CSPG4: variants seen among roughly 807,000 people sequenced by gnomAD.
CSPG4 encodes the protein chondroitin sulfate proteoglycan 4.
In CSPG4, 74 loss-of-function variants were observed where a neutral mutation model predicts 139.3. The ratio of observed to expected loss-of-function variants is 0.53; its 90% CI spans 0.44 to 0.64. The LOEUF is 0.64. Ranked by LOEUF, CSPG4 falls within the 30% of genes least tolerant of loss-of-function variation. The pLI is 0.00. For synonymous variants in CSPG4, 1,234 were observed against 1,394.2 expected (o/e 0.89, Z 2.56); for missense variants, 2,565 against 3,148.3 (o/e 0.81, Z 4.43).
intron 1 of CSPG4, among the ~76,000 whole-genome samples, chr15:75,710,098 C>T (rs970553520): frequency 6.6e-6 from 1 of 152,080 alleles, no homozygotes; most frequent in African/African-American, 2.4e-5. Context: ...TGTGGCCCTG[C>T]TCACTAAGAT....
intron 1 of CSPG4, among the ~76,000 whole-genome samples, chr15:75,707,649 G>A (rs80218846): frequency 4.9e-3 from 679 of 137,260 alleles, no homozygotes; most frequent in Non-Finnish European, 7.4e-3. Context: ...TCTTCCAAGG[G>A]CCCTTAGTAC....
rs1474538788 is a variant in CSPG4 at position 75,712,723 on chromosome 15, G to A, written c.33C>T (p.Ala11=). The change falls in exon 1 of 10, where the codon GCC becomes GCT. Residue 11 remains alanine (A), a synonymous_variant. Transcript: ENST00000308508. The stretch of plus-strand genomic sequence containing the variant: ...GGGTCAAAGCCAAGGCCAGGCCGGG[G>A]GCTGGAAGTGGGGGCCGCGGCCCGG... The part of the protein sequence containing the change: MQSGPRPPLP[A]PGLALALTLT... 1.3e-6 allele frequency: 2 copies of A among 1,561,218 alleles called. No individual in the cohort carries two copies. Among genetic ancestry groups the A allele is most frequent in the Middle Eastern group, 2.2e-4 (1 of 4,538 alleles).
chr15:75,681,582 G>A (rs979277978), intron 8 of CSPG4, among the ~76,000 whole-genome samples: 1 of 152,254 alleles, frequency 6.6e-6, no homozygotes, highest in African/African-American at 2.4e-5. Context: ...GCCTGGGATG[G>A]CCCATGGAAG....
At chr15:75,699,602 C>T (rs1596012424) in intron 1 of CSPG4, among the ~76,000 whole-genome samples, 1 of 152,290 alleles carries the variant, frequency 6.6e-6, no homozygotes, top group Admixed American at 6.5e-5. Flanking sequence ...CCCTGGGCTC[C>T]CAGCCACATG....
chr15:75,679,173 C>T (rs561960571), intron 8 of CSPG4: 29 of 184,306 alleles, frequency 1.6e-4, no homozygotes, highest in Middle Eastern at 2.3e-3. Context: ...CTACCTCTGC[C>T]GATATCTAAT....
chr15:75,677,881 G>T lies in CSPG4; in HGVS notation c.4956C>A (p.Tyr1652Ter). ...CATGCTCATACAGAATATTCCCAGCGTAGACCTAGGGGAGACACCATCGTG... is the reference window on the plus strand; with the variant it reads ...CATGCTCATACAGAATATTCCCAGCTTAGACCTAGGGGAGACACCATCGTG... ...ALVNFTQAEV[Y>*]AGNILYEHEM... Residue 1652 changes from tyrosine (Y) to a stop codon, truncating the protein, a stop_gained, in exon 9 of 10, where the codon TAC (tyrosine) becomes TAA (stop). Transcript: ENST00000308508. LOFTEE classifies it high-confidence loss of function. The T allele has an allele frequency of 6.2e-7, 1 of 1,607,336 alleles. No individual in the cohort carries two copies. The highest frequency in any genetic ancestry group is 8.5e-7 in the Non-Finnish European group (1 of 1,176,756).
chr15:75,698,454 C>T lies in CSPG4; in HGVS notation c.89-5221G>A, dbSNP rs975973448. On this transcript the variant is annotated intron_variant, in intron 1 of 9. Transcript: ENST00000308508. This position sits in a 1 kb window ranked among gnomAD's most constrained non-coding sequence, Gnocchi z 4.3. Reference sequence around the variant, plus strand: ...GCCCTCTAGACCTCAGGTCAGTTCCCCTCCCCTCCCCTTGCACCTCCAAGG... The same window carrying T: ...GCCCTCTAGACCTCAGGTCAGTTCCTCTCCCCTCCCCTTGCACCTCCAAGG... Among the ~76,000 whole-genome samples the T allele has an allele frequency of 3.3e-5, 5 of 151,958 alleles. No homozygotes were observed. The highest frequency in any genetic ancestry group is 5.9e-5 in the Non-Finnish European group (4 of 67,992).
chr15:75,713,157 T>G (rs570120282), upstream of CSPG4, among the ~76,000 whole-genome samples: 1 of 152,334 alleles, frequency 6.6e-6, no homozygotes, highest in East Asian at 1.9e-4. Flanking sequence ...CAGCCCCTAC[T>G]TCCCTCCTTT....
Position 75,684,862 on chromosome 15 carries a change from T to C in CSPG4, c.4323A>G (p.Thr1441=). ...RYVHDGSETL[T]DSFVLMANAS... ...CATTAGCCATCAGGACAAAACTGTCTGTCAGTGTCTCGCTCCCGTCATGCA... is the reference window on the plus strand; with the variant it reads ...CATTAGCCATCAGGACAAAACTGTCCGTCAGTGTCTCGCTCCCGTCATGCA... The change falls in exon 5 of 10, where the codon ACA becomes ACG. Residue 1441 remains threonine, a synonymous_variant. Coordinates refer to ENST00000308508, the MANE Select transcript of CSPG4 (RefSeq NM_001897.5). 1 of 1,613,450 alleles carries C rather than the reference T, an allele frequency of 6.2e-7. No individual in the cohort carries two copies. Among genetic ancestry groups the C allele is most frequent in the Non-Finnish European group, 8.5e-7 (1 of 1,179,732 alleles).
At position 75,696,897 on chromosome 15, in the gene CSPG4, A is replaced by G. The variant is rs1463194526; in HGVS notation, c.89-3664T>C. On this transcript the variant is annotated intron_variant, in intron 1 of 9. Coordinates refer to ENST00000308508, the MANE Select transcript of CSPG4 (RefSeq NM_001897.5). This position sits in a 1 kb window ranked among gnomAD's most constrained non-coding sequence, Gnocchi z 4.2. ...CCAGCAAGCCCCCTCTGTCAGGGCAAGGGCTGCGCTGGCATCTCCGGGCTC... is the reference window on the plus strand; with the variant it reads ...CCAGCAAGCCCCCTCTGTCAGGGCAGGGGCTGCGCTGGCATCTCCGGGCTC... 3.3e-5 allele frequency among the ~76,000 whole-genome samples: 5 copies of G among 152,196 alleles called. No homozygotes were observed. Among genetic ancestry groups the G allele is most frequent in the Non-Finnish European group, 7.4e-5 (5 of 68,014 alleles).
chr15:75,707,824 A>G (rs1234758748), intron 1 of CSPG4, among the ~76,000 whole-genome samples: 3 of 152,160 alleles, frequency 2.0e-5, no homozygotes, highest in Non-Finnish European at 4.4e-5. Context: ...TGGTTGGCTC[A>G]GTGATCTCTA....
intron 1 of CSPG4, among the ~76,000 whole-genome samples, chr15:75,701,653 G>C (rs1402474297): frequency 6.6e-6 from 1 of 152,114 alleles, no homozygotes; most frequent in African/African-American, 2.4e-5. Context: ...CCCGGCCTCA[G>C]GCCCAGCCTC....
rs1030234208 is a variant in CSPG4, at chr15:75,698,975, C to T, written c.89-5742G>A. ...CAGGGTGGGCTGCCTGGGAGACGCTCACACACCTGCAGACCCCTCAGGGCT... is the reference window on the plus strand; with the variant it reads ...CAGGGTGGGCTGCCTGGGAGACGCTTACACACCTGCAGACCCCTCAGGGCT... On this transcript the variant is annotated intron_variant, in intron 1 of 9. Coordinates refer to ENST00000308508, the MANE Select transcript of CSPG4 (RefSeq NM_001897.5). The surrounding 1 kb of genome is among the most constrained non-coding windows in gnomAD (Gnocchi z 4.3). Among the ~76,000 whole-genome samples, 16 of 152,128 alleles carry T rather than the reference C, an allele frequency of 1.1e-4. No individual in the cohort carries two copies. The highest frequency in any genetic ancestry group is 1.9e-4 in the Non-Finnish European group (13 of 68,026).
At chr15:75,712,976 G>A, upstream of CSPG4, 1 of 521,928 alleles carries the variant, frequency 1.9e-6, no homozygotes, top group Non-Finnish European at 3.3e-6. Context: ...AAGGGCCCGT[G>A]CGGGGCTGTT....
rs1473641967 is a variant in CSPG4 at position 75,696,883 on chromosome 15, CCT to C, written c.89-3652_89-3651del. ...CTCGGTCAAGGTCCCCAGCAAGCCCCCTCTGTCAGGGCAAGGGCTGCGCTGGC... is the reference window on the plus strand; with the variant it reads ...CTCGGTCAAGGTCCCCAGCAAGCCCCCTGTCAGGGCAAGGGCTGCGCTGGC... On this transcript the variant is annotated intron_variant, in intron 1 of 9. Transcript: ENST00000308508. This position sits in a 1 kb window ranked among gnomAD's most constrained non-coding sequence, Gnocchi z 4.2. 1.3e-5 allele frequency among the ~76,000 whole-genome samples: 2 copies of C among 152,220 alleles called. No individual in the cohort carries two copies. Among genetic ancestry groups the C allele is most frequent in the African/African-American group, 2.4e-5 (1 of 41,470 alleles).
chr15:75,698,406 C>T lies in CSPG4; in HGVS notation c.89-5173G>A, dbSNP rs1894256355. ...CGGGCCAGGTGTGCTTCCCCAGCAG[C>T]GGACCCTCCCTGAGGTCACCTGGCC... is the stretch of plus-strand genomic sequence containing the variant. On this transcript the variant is annotated intron_variant, in intron 1 of 9. Coordinates refer to ENST00000308508, the MANE Select transcript of CSPG4 (RefSeq NM_001897.5). The surrounding 1 kb of genome is among the most constrained non-coding windows in gnomAD (Gnocchi z 4.3). 1.3e-5 allele frequency among the ~76,000 whole-genome samples: 2 copies of T among 151,926 alleles called. No homozygotes were observed. Among genetic ancestry groups the T allele is most frequent in the African/African-American group, 2.4e-5 (1 of 41,298 alleles).
At position 75,698,128 on chromosome 15, in the gene CSPG4, G is replaced by C. The variant is rs1222064117; in HGVS notation, c.89-4895C>G. On this transcript the variant is annotated intron_variant, in intron 1 of 9. Coordinates refer to ENST00000308508, the MANE Select transcript of CSPG4 (RefSeq NM_001897.5). This position sits in a 1 kb window ranked among gnomAD's most constrained non-coding sequence, Gnocchi z 4.3. Reference sequence around the variant, plus strand: ...CCAGCCAGCCTGCTGGGGAGGGAGGGCCCTGCTCCAAGACGAAGCCAGACT... The same window carrying C: ...CCAGCCAGCCTGCTGGGGAGGGAGGCCCCTGCTCCAAGACGAAGCCAGACT... Among the ~76,000 whole-genome samples, 2 of 152,138 alleles carry C rather than the reference G, an allele frequency of 1.3e-5. No homozygotes were observed. Among genetic ancestry groups the C allele is most frequent in the Non-Finnish European group, 2.9e-5 (2 of 68,030 alleles).
intron 1 of CSPG4, among the ~76,000 whole-genome samples, chr15:75,694,942 G>T (rs1208886082): frequency 2.0e-5 from 3 of 152,256 alleles, no homozygotes; most frequent in Admixed American, 2.0e-4. Context: ...AGCACAAGGG[G>T]TGGGGGCACA....
intron 1 of CSPG4, among the ~76,000 whole-genome samples, chr15:75,695,859 G>A (rs1287150203): frequency 1.3e-5 from 2 of 152,128 alleles, no homozygotes; most frequent in African/African-American, 4.8e-5. Flanking sequence ...GTCCCCTTTG[G>A]GTGGGGCTAG....
Sources: allele counts gnomAD v4.1 joint callset (sites outside exome capture counted in the v4.1 genomes callset), GRCh38; gene constraint gnomAD v4.1.1; non-coding constraint Gnocchi (gnomAD v3.1); transcripts MANE v1.5; gene names NCBI Gene and HGNC (gene_info 2026-07-23, HGNC 2026-07-21).